Variants in IL1RAPL1 observed in about 807,000 individuals in gnomAD.
The protein encoded by IL1RAPL1 is interleukin 1 receptor accessory protein like 1.
Under a neutral mutation model 48.4 loss-of-function variants are expected in IL1RAPL1, and 3 were observed. The observed-to-expected ratio is 0.06, with a 90% CI of 0.03 to 0.16. IL1RAPL1 has a LOEUF of 0.16. Among genes scored for constraint, IL1RAPL1 ranks in the 10% least tolerant of loss-of-function variants. The pLI, the probability that IL1RAPL1 is intolerant of heterozygous loss-of-function variation, is 1.00. For missense variants in IL1RAPL1, 349 were observed against 530.6 expected (o/e 0.66, Z 3.36); for synonymous variants, 185 against 187.7 (o/e 0.99, Z 0.12).
intron 2 of IL1RAPL1, among the ~76,000 whole-genome samples, chrX:28,900,938 CAT>C (rs1481005832): frequency 8.9e-6 from 1 of 111,837 alleles, no homozygotes; most frequent in East Asian, 2.8e-4. Context: ...TCACATAAAA[CAT>C]ATACTAGGTC....
chrX:29,604,508 C>T (rs1016293611), intron 5 of IL1RAPL1, among the ~76,000 whole-genome samples: 2 of 110,942 alleles, frequency 1.8e-5, no homozygotes, highest in Non-Finnish European at 3.8e-5. Flanking sequence ...ATGCGATCTC[C>T]GCTCACTGTA....
chrX:28,874,443 G>A (rs778144663), intron 2 of IL1RAPL1, among the ~76,000 whole-genome samples: 1 of 111,831 alleles, frequency 8.9e-6, no homozygotes, highest in African/African-American at 3.2e-5. Flanking sequence ...GCTATCATAT[G>A]TCCCAAATAT....
In IL1RAPL1 at chrX:29,440,069, T is replaced by C. The variant is rs751957525; in HGVS notation, c.703+40761T>C. Among the ~76,000 whole-genome samples, 3 of 108,189 alleles carry C rather than the reference T, an allele frequency of 2.8e-5. No individual in the cohort carries two copies. In the South Asian group the frequency reaches 1.2e-3, roughly 43 times the overall value. 93.9% of individuals were successfully genotyped at this position (108,189 alleles called of 115,157 possible). On this transcript the variant is annotated intron_variant, in intron 5 of 10. Coordinates refer to ENST00000378993, the MANE Select transcript of IL1RAPL1 (RefSeq NM_014271.4). ...CATTTGTCATCAATTTTTGGAAATATTCGAAAGACTTTTGTGAATCAAAAA... is the reference window on the plus strand; with the variant it reads ...CATTTGTCATCAATTTTTGGAAATACTCGAAAGACTTTTGTGAATCAAAAA...
chrX:29,270,966 A>G (rs930934462), intron 2 of IL1RAPL1, among the ~76,000 whole-genome samples: 2 of 111,689 alleles, frequency 1.8e-5, no homozygotes, highest in African/African-American at 3.3e-5. Flanking sequence ...CACCAAAGTA[A>G]TAAGCATAGT....
chrX:28,890,633 T>C (rs988065052), intron 2 of IL1RAPL1, among the ~76,000 whole-genome samples: 2 of 112,083 alleles, frequency 1.8e-5, no homozygotes, highest in Admixed American at 9.5e-5. Context: ...TTAACTGTTG[T>C]CAAAAATGTT....
intron 3 of IL1RAPL1, among the ~76,000 whole-genome samples, chrX:29,343,607 G>C (rs1933110656): frequency 8.9e-6 from 1 of 111,853 alleles, no homozygotes; most frequent in Non-Finnish European, 1.9e-5. Flanking sequence ...TTTCCTGAAA[G>C]TATGAAATAA....
In IL1RAPL1 at chrX:28,680,726, G is replaced by A. The variant is rs746099035; in HGVS notation, c.-25+92679G>A. Among the ~76,000 whole-genome samples, 4 of 111,900 alleles carry A rather than the reference G, an allele frequency of 3.6e-5. No individual in the cohort carries two copies. The South Asian group carries it at 1.5e-3, about 41-fold the overall frequency. ...TTGCATCTATTGAGATGATCATGTA[G>A]TTTTATCTTAGAGTCTGTTAATGTG... On this transcript the variant is annotated intron_variant, in intron 1 of 10. Coordinates refer to ENST00000378993, the MANE Select transcript of IL1RAPL1 (RefSeq NM_014271.4).
At chrX:28,759,564 CAA>C (rs1285125976) in intron 1 of IL1RAPL1, among the ~76,000 whole-genome samples, 1 of 111,411 alleles carries the variant, frequency 9.0e-6, no homozygotes, top group Non-Finnish European at 1.9e-5. Flanking sequence ...CATTATTCTG[CAA>C]AGAGACAAAT....
At chrX:29,769,448 T>TTTTTTTTTTTTTA (rs1569164042) in intron 6 of IL1RAPL1, among the ~76,000 whole-genome samples, 1 of 71,903 alleles carries the variant, frequency 1.4e-5, no homozygotes, top group African/African-American at 5.5e-5. Flanking sequence ...TTTTTTTTTT[T>TTTTTTTTTTTTTA]TTTTTTTTTT....
intron 2 of IL1RAPL1, among the ~76,000 whole-genome samples, chrX:28,893,405 A>T (rs1042257156): frequency 1.8e-5 from 2 of 111,431 alleles, no homozygotes; most frequent in African/African-American, 6.5e-5. Flanking sequence ...CCGGTCCATT[A>T]TAGGACTGTA....
At chrX:29,586,681 C>G (rs763054353) in intron 5 of IL1RAPL1, among the ~76,000 whole-genome samples, 6 of 110,948 alleles carry the variant, frequency 5.4e-5, no homozygotes, top group Non-Finnish European at 5.7e-5. Context: ...ACACGGATAT[C>G]TATTTGTTTG....
intron 2 of IL1RAPL1, among the ~76,000 whole-genome samples, chrX:28,859,593 C>G (rs1323410683): frequency 1.8e-5 from 2 of 110,376 alleles, no homozygotes; most frequent in Admixed American, 1.9e-4. Context: ...ATTTCAAAAT[C>G]TCTCCTTACC....
At chrX:29,414,524 G>A (rs1934189627) in intron 5 of IL1RAPL1, among the ~76,000 whole-genome samples, 1 of 110,688 alleles carries the variant, frequency 9.0e-6, no homozygotes, top group Admixed American at 9.7e-5. Flanking sequence ...TTTAAGACCA[G>A]CCTGGGCAAC....
intron 5 of IL1RAPL1, among the ~76,000 whole-genome samples, chrX:29,594,847 C>T (rs181161021): frequency 2.7e-5 from 3 of 111,375 alleles, no homozygotes; most frequent in South Asian, 3.8e-4. Context: ...GAGCAGTGTA[C>T]GCTGTACCCA....
At chrX:29,446,448 A>AT (rs1168747550) in intron 5 of IL1RAPL1, among the ~76,000 whole-genome samples, 1 of 111,696 alleles carries the variant, frequency 9.0e-6, no homozygotes, top group African/African-American at 3.2e-5. Context: ...TTAGAAAACC[A>AT]TTTTTTAAGG....
At position 28,789,398 on chromosome X, in the gene IL1RAPL1, T is replaced by G. The variant is rs775646594; in HGVS notation, c.55T>G (p.Leu19Val). 2 of 1,206,831 alleles carry G rather than the reference T, an allele frequency of 1.7e-6. No homozygotes were observed. The highest frequency in any genetic ancestry group is 3.5e-5 in the South Asian group (2 of 56,783). ...CTTATACGCTACTTTTACTCAGAGT[T>G]TGAAGGTTGTGACCAAAAGAGGCTC... ...ILLYATFTQS[L>V]KVVTKRGSAD... Residue 19 changes from leucine to valine, a missense_variant, in exon 2 of 11, where the codon TTG becomes GTG. Coordinates refer to ENST00000378993, the MANE Select transcript of IL1RAPL1 (RefSeq NM_014271.4).
At chrX:29,693,232 T>TGA (rs1172846460) in intron 6 of IL1RAPL1, among the ~76,000 whole-genome samples, 1 of 112,444 alleles carries the variant, frequency 8.9e-6, no homozygotes, top group African/African-American at 3.2e-5. Flanking sequence ...CATCATTCAC[T>TGA]GAGCCCTTCT....
At chrX:29,444,627 C>T (rs1218730148) in intron 5 of IL1RAPL1, among the ~76,000 whole-genome samples, 1 of 111,496 alleles carries the variant, frequency 9.0e-6, no homozygotes, top group African/African-American at 3.3e-5. Context: ...ATTTCCCCAG[C>T]CAGACTTGTG....
At chrX:28,631,865 G>C (rs1439471541) in intron 1 of IL1RAPL1, among the ~76,000 whole-genome samples, 2 of 112,324 alleles carry the variant, frequency 1.8e-5, no homozygotes, top group African/African-American at 6.5e-5. Flanking sequence ...ATATAGTTGA[G>C]AGGTCAAGAG....
Sources: allele counts gnomAD v4.1 joint callset (sites outside exome capture counted in the v4.1 genomes callset), GRCh38; gene constraint gnomAD v4.1.1; transcripts MANE v1.5; gene names NCBI Gene and HGNC (gene_info 2026-07-23, HGNC 2026-07-21).